GXYLT2: variants seen among roughly 807,000 people sequenced by gnomAD.
The protein encoded by GXYLT2 is glucoside xylosyltransferase 2.
In GXYLT2, 53 loss-of-function variants were observed where a neutral mutation model predicts 45.8. The ratio of observed to expected loss-of-function variants is 1.16; its 90% CI spans 0.93 to 1.46. The LOEUF is 1.46. Among genes scored for constraint, GXYLT2 ranks in the 40% most tolerant of loss-of-function variants. The pLI is 0.00. For missense variants in GXYLT2, 551 were observed against 544.4 expected, an observed-to-expected ratio of 1.01 and a Z score of -0.12; for synonymous variants, 219 against 214.2, an observed-to-expected ratio of 1.02 and a Z score of -0.19.
intron 1 of GXYLT2, among the ~76,000 whole-genome samples, chr3:72,893,259 A>C (rs940168184): frequency 1.3e-5 from 2 of 152,020 alleles, no homozygotes; most frequent in Admixed American, 6.6e-5. Flanking sequence ...ACCACTCTCC[A>C]TTCACTTGCT....
At chr3:72,965,442 C>T (rs747560297) in intron 5 of GXYLT2, among the ~76,000 whole-genome samples, 46 of 152,182 alleles carry the variant, frequency 3.0e-4, no homozygotes, top group Non-Finnish European at 6.5e-4. Context: ...CTGTAATCCT[C>T]TCTTGTGCTC....
At chr3:72,928,976 A>G in intron 3 of GXYLT2, 1 of 953,004 alleles carries the variant, frequency 1.0e-6, no homozygotes, top group Non-Finnish European at 1.6e-6. Context: ...CGCCCTCGGT[A>G]CCGCCCCAAG....
At chr3:72,958,890 C>T (rs1010673674) in intron 5 of GXYLT2, among the ~76,000 whole-genome samples, 2 of 151,754 alleles carry the variant, frequency 1.3e-5, no homozygotes, top group Non-Finnish European at 2.9e-5. Flanking sequence ...CCTCCTCCTC[C>T]CAAAGTGCTG....
chr3:72,913,511 G>A (rs1396070300), intron 2 of GXYLT2, among the ~76,000 whole-genome samples: 8 of 151,678 alleles, frequency 5.3e-5, no homozygotes, highest in Non-Finnish European at 1.2e-4. Flanking sequence ...TCTGGCCAAC[G>A]TGTCAAAACC....
At position 72,929,322 on chromosome 3, in the gene GXYLT2, G is replaced by T. The variant is rs1210740896; in HGVS notation, c.600+6987G>T. 1.2e-5 allele frequency: 14 copies of T among 1,131,218 alleles called. No individual in the cohort carries two copies. In the Admixed American group the frequency reaches 2.4e-4, roughly 19 times the overall value. 70.1% of individuals were successfully genotyped at this position (1,131,218 alleles called of 1,614,324 possible). ...ATCAAGAAACCAGACTGTGACGACT[G>T]GGAGAGCGGGCTGAATGCGATGGAG... On this transcript the variant is annotated intron_variant, in intron 3 of 6. Transcript: ENST00000389617.
In GXYLT2 at chr3:72,975,183, A is replaced by G. The variant is rs1340711401; in HGVS notation, c.*24A>G. 2.5e-6 allele frequency: 4 copies of G among 1,586,714 alleles called. No individual in the cohort carries two copies. Among genetic ancestry groups the G allele is most frequent in the African/African-American group, 2.7e-5 (2 of 74,272 alleles). On this transcript the variant is annotated 3_prime_UTR_variant, in exon 7 of 7. Coordinates refer to ENST00000389617, the MANE Select transcript of GXYLT2 (RefSeq NM_001080393.2). ...GAATATTTTGTCTTGTTGCAAGTCA[A>G]TTAGGTGTCTTGTGACCAAGGAAAT...
chr3:72,905,370 G>T (rs181648912), intron 1 of GXYLT2, among the ~76,000 whole-genome samples: 5 of 152,100 alleles, frequency 3.3e-5, no homozygotes, highest in Non-Finnish European at 2.9e-5. Context: ...TGCCCGCCTC[G>T]AACTCCTGCT....
chr3:72,955,007 T>C (rs1260120495), intron 3 of GXYLT2, 91 bp from the exon 4 acceptor site: 3 of 1,338,956 alleles, frequency 2.2e-6, no homozygotes, highest in Non-Finnish European at 3.1e-6. Context: ...TAGCATTATT[T>C]ACCTATCAGG....
chr3:72,958,581 T>C (rs1710697226), intron 5 of GXYLT2, among the ~76,000 whole-genome samples: 1 of 150,106 alleles, frequency 6.7e-6, no homozygotes, highest in Admixed American at 6.6e-5. Flanking sequence ...AGATTCCCAA[T>C]ACCAATTTAG....
intron 1 of GXYLT2, among the ~76,000 whole-genome samples, chr3:72,888,915 T>C (rs926410056): frequency 6.6e-6 from 1 of 152,182 alleles, no homozygotes; most frequent in Non-Finnish European, 1.5e-5. Flanking sequence ...TTGGAAAAGT[T>C]AGATGTTTAC....
At chr3:72,924,586 G>A (rs1199685574) in intron 3 of GXYLT2, among the ~76,000 whole-genome samples, 1 of 152,120 alleles carries the variant, frequency 6.6e-6, no homozygotes, top group Non-Finnish European at 1.5e-5. Flanking sequence ...TTTTAGAGAA[G>A]ACACTCTGGT....
rs746348106 is a variant in GXYLT2, at chr3:72,922,247, G to T, written c.512G>T (p.Arg171Ile). Residue 171 changes from arginine (R) to isoleucine (I), a missense_variant, in exon 3 of 7, where the codon AGA becomes ATA. Physicochemically the swap from Arg to Ile is moderately conservative, Grantham distance 97. Coordinates refer to ENST00000389617, the MANE Select transcript of GXYLT2 (RefSeq NM_001080393.2). ...PDSYTKKFEH[R>I]IYPITFSVGN... Reference sequence around the variant, plus strand: ...TCATATACAAAGAAGTTTGAGCACAGAATCTACCCCATCACATTTTCTGTT... The same window carrying T: ...TCATATACAAAGAAGTTTGAGCACATAATCTACCCCATCACATTTTCTGTT... The T allele has an allele frequency of 5.0e-6, 8 of 1,613,690 alleles. No homozygotes were observed. Among genetic ancestry groups the T allele is most frequent in the Non-Finnish European group, 6.8e-6 (8 of 1,179,722 alleles).
intron 5 of GXYLT2, among the ~76,000 whole-genome samples, chr3:72,959,370 G>A (rs778850500): frequency 1.1e-3 from 167 of 151,256 alleles, no homozygotes; most frequent in African/African-American, 3.5e-3. Flanking sequence ...CACCTGCCTC[G>A]GCCTCCCAAA....
chr3:72,889,896 GTTTTTTTTTTGTTTTTT>G (rs1024723505), intron 1 of GXYLT2, among the ~76,000 whole-genome samples: 3 of 135,536 alleles, frequency 2.2e-5, no homozygotes, highest in African/African-American at 5.7e-5. Context: ...TTTTCTTTTG[GTTTTTTTTTTGTTTTTT>G]TTTTTTTTTT....
At position 72,963,549 on chromosome 3, in the gene GXYLT2, C is replaced by T. The variant is rs148712106; in HGVS notation, c.977-3998C>T. ...ACAGAGTCTCACCCTGTTGCCCAGG[C>T]TGGAGTGCAGTGGCACAATCTTGGC... On this transcript the variant is annotated intron_variant, in intron 5 of 6. Transcript: ENST00000389617. 2.1e-3 allele frequency among the ~76,000 whole-genome samples: 312 copies of T among 150,320 alleles called. 1 individual carries two copies. Among genetic ancestry groups the T allele is most frequent in the African/African-American group, 7.4e-3 (301 of 40,938 alleles).
intron 2 of GXYLT2, among the ~76,000 whole-genome samples, chr3:72,915,856 G>C (rs529867840): frequency 6.6e-6 from 1 of 151,848 alleles, no homozygotes; most frequent in South Asian, 2.1e-4. Context: ...GAGAGATTGG[G>C]TTTCTCATTA....
At chr3:72,912,009 A>ATT (rs1335193184) in intron 2 of GXYLT2, among the ~76,000 whole-genome samples, 4 of 122,020 alleles carry the variant, frequency 3.3e-5, no homozygotes, top group African/African-American at 1.8e-4. Context: ...ATATATATAT[A>ATT]TATATTTTTT....
At chr3:72,903,064 G>A (rs1709437683) in intron 1 of GXYLT2, among the ~76,000 whole-genome samples, 1 of 152,006 alleles carries the variant, frequency 6.6e-6, no homozygotes, top group African/African-American at 2.4e-5. Context: ...TTCTTAAAAA[G>A]CATCAAGCTG....
chr3:72,890,857 C>T lies in GXYLT2; in HGVS notation c.275+2349C>T, dbSNP rs115524720. ...ATTATCGTGGAAATTATGGCCAACA[C>T]CATAGGAATACAGAACAAAATTTTA... On this transcript the variant is annotated intron_variant, in intron 1 of 6. Transcript: ENST00000389617. Among the ~76,000 whole-genome samples, 838 of 152,114 alleles carry T rather than the reference C, an allele frequency of 5.5e-3. 10 individuals are homozygous for T. The highest frequency in any genetic ancestry group is 0.019 in the African/African-American group (796 of 41,476).
Sources: allele counts gnomAD v4.1 joint callset (sites outside exome capture counted in the v4.1 genomes callset), GRCh38; gene constraint gnomAD v4.1.1; transcripts MANE v1.5; gene names NCBI Gene and HGNC (gene_info 2026-07-23, HGNC 2026-07-21).